POLR2B: variants seen among roughly 807,000 people sequenced by gnomAD.
POLR2B encodes the protein RNA polymerase II subunit B, also known as DNA-directed RNA polymerase II subunit RPB2.
POLR2B carries 57 observed loss-of-function variants against 144.6 expected under a neutral mutation model. That is an observed-to-expected ratio of 0.39 (90% CI 0.32 to 0.49). The LOEUF is 0.49. POLR2B is among the 20% of genes least tolerant of loss of function. POLR2B has a pLI of 0.83. For synonymous variants in POLR2B, 442 were observed against 469.8 expected, an observed-to-expected ratio of 0.94 and a Z score of 0.77; for missense variants, 595 against 1,467.4, an observed-to-expected ratio of 0.41 and a Z score of 9.71.
rs767330067 is a variant in POLR2B, at chr4:57,024,141, T to A, written c.2964+29T>A. On this transcript the variant is annotated intron_variant, in intron 21 of 24. Coordinates refer to ENST00000314595, the MANE Select transcript of POLR2B (RefSeq NM_000938.3). ...AGAGATGTTCTTCAAAAATATAGAT[T>A]CTAAGCTGATGCTTCTTCTAAAACT... 4.4e-6 allele frequency: 5 copies of A among 1,139,600 alleles called. No individual in the cohort carries two copies. In the South Asian group the frequency reaches 6.5e-5, roughly 15 times the overall value. The allele number at this position is 1,139,600 out of a possible 1,614,324, so 70.6% of individuals were successfully genotyped here.
At chr4:56,996,206 A>ATGTGTG (rs59059584) in intron 6 of POLR2B, among the ~76,000 whole-genome samples, 2,823 of 115,272 alleles carry the variant, frequency 0.024, 81 homozygotes, top group East Asian at 0.15. Context: ...ATTTCAGTTC[A>ATGTGTG]TGTGTGTGTG....
intron 1 of POLR2B, among the ~76,000 whole-genome samples, chr4:56,984,621 T>C (rs949148515): frequency 1.3e-5 from 2 of 152,220 alleles, no homozygotes; most frequent in Non-Finnish European, 1.5e-5. Flanking sequence ...AAGCTAGAAA[T>C]GTCTGAGCTA....
chr4:57,028,262 A>G (rs1723788291), intron 23 of POLR2B, among the ~76,000 whole-genome samples: 2 of 152,282 alleles, frequency 1.3e-5, no homozygotes, highest in South Asian at 4.1e-4. Flanking sequence ...CATCTTCACT[A>G]TGCAGTAGAA....
intron 7 of POLR2B, 80 bp downstream of exon 7, chr4:56,999,861 T>G: frequency 1.0e-6 from 1 of 977,810 alleles, no homozygotes; most frequent in South Asian, 1.6e-5. Context: ...TAAAACATAG[T>G]AGAAAGCTGT....
chr4:56,989,426 C>T (rs569874916), intron 2 of POLR2B, among the ~76,000 whole-genome samples: 1 of 152,314 alleles, frequency 6.6e-6, no homozygotes, highest in African/African-American at 2.4e-5. Flanking sequence ...ATACCTTACA[C>T]ATGTGTGATT....
intron 13 of POLR2B, among the ~76,000 whole-genome samples, chr4:57,013,632 G>T (rs1723270890): frequency 6.6e-6 from 1 of 151,832 alleles, no homozygotes; most frequent in Non-Finnish European, 1.5e-5. Context: ...CTACCTCCTG[G>T]GCCCCAACGA....
At chr4:56,979,564 T>C (rs948599593) in intron 1 of POLR2B, among the ~76,000 whole-genome samples, 2 of 152,192 alleles carry the variant, frequency 1.3e-5, no homozygotes, top group African/African-American at 4.8e-5. Flanking sequence ...GTCACAGTTC[T>C]CAGATGATAT....
intron 2 of POLR2B, among the ~76,000 whole-genome samples, chr4:56,988,298 G>A (rs1169321569): frequency 6.6e-6 from 1 of 151,946 alleles, no homozygotes; most frequent in African/African-American, 2.4e-5. Context: ...AACAAAAAGA[G>A]GAGCAGAAAA....
chr4:57,029,695 A>G (rs1723848340), intron 23 of POLR2B, among the ~76,000 whole-genome samples: 1 of 152,304 alleles, frequency 6.6e-6, no homozygotes, highest in Non-Finnish European at 1.5e-5. Context: ...CAGTCATTCC[A>G]TTGACAAGCT....
In POLR2B at chr4:57,023,389, C is replaced by T. The variant is rs1297561834; in HGVS notation, c.2575C>T (p.Arg859Cys). ...TGATGGTTTGATAGCTCCAGGGGTT[C>T]GTGTATCAGGAGATGATGTTATTAT... is the stretch of plus-strand genomic sequence containing the variant. The part of the protein sequence containing the change: ...DDDGLIAPGV[R>C]VSGDDVIIGK... The change falls in exon 19 of 25, where the codon CGT becomes TGT. Residue 859 changes from arginine (R) to cysteine (C), a missense_variant. By Grantham distance (180) the Arg-to-Cys change is radical. Coordinates refer to ENST00000314595, the MANE Select transcript of POLR2B (RefSeq NM_000938.3). The surrounding 1 kb of genome is among the most constrained non-coding windows in gnomAD (Gnocchi z 4.3). 1 of 1,613,630 alleles carries T rather than the reference C, an allele frequency of 6.2e-7. No homozygotes were observed. The highest frequency in any genetic ancestry group is 1.7e-5 in the Admixed American group (1 of 60,000).
chr4:57,027,067 G>A (rs1349887088), intron 23 of POLR2B, among the ~76,000 whole-genome samples: 3 of 152,076 alleles, frequency 2.0e-5, no homozygotes, highest in Non-Finnish European at 4.4e-5. Flanking sequence ...GGAGTGCAGT[G>A]GTGCGATCTC....
chr4:57,015,834 C>T (rs1723349199), intron 14 of POLR2B, among the ~76,000 whole-genome samples, 178 bp downstream of exon 14: 1 of 152,092 alleles, frequency 6.6e-6, no homozygotes, highest in Non-Finnish European at 1.5e-5. Flanking sequence ...GATCTTGGCT[C>T]ACTAACCTCC....
At position 57,013,547 on chromosome 4, in the gene POLR2B, C is replaced by CT. The variant is rs11331449; in HGVS notation, c.1801-1945dup. On this transcript the variant is annotated intron_variant, in intron 13 of 24. Transcript: ENST00000314595. ...CAGTAGGTTGGCTGTATTTTTTTTT[C>CT]TTTTTTTTTTGAGAGGATGTCTCTC... Among the ~76,000 whole-genome samples, 490 of 144,980 alleles carry CT rather than the reference C, an allele frequency of 3.4e-3. 3 individuals are homozygous for CT. Among genetic ancestry groups the CT allele is most frequent in the African/African-American group, 0.012 (455 of 38,640 alleles).
intron 7 of POLR2B, among the ~76,000 whole-genome samples, chr4:57,001,497 T>C (rs1361173715): frequency 1.3e-5 from 2 of 152,250 alleles, no homozygotes; most frequent in Non-Finnish European, 2.9e-5. Context: ...ACAAAGTATA[T>C]AGAGGACAGG....
At chr4:57,019,759 C>CTTTTTTTTTTTTTTTTTT (rs71208972) in intron 16 of POLR2B, among the ~76,000 whole-genome samples, 1 of 98,196 alleles carries the variant, frequency 1.0e-5, no homozygotes, top group Non-Finnish European at 2.1e-5. Flanking sequence ...CTAATGATGT[C>CTTTTTTTTTTTTTTTTTT]TTTTTTTTTT....
At chr4:56,985,853 GA>G (rs1722309386) in intron 1 of POLR2B, among the ~76,000 whole-genome samples, 3 of 152,218 alleles carry the variant, frequency 2.0e-5, no homozygotes, top group Admixed American at 1.3e-4. Context: ...GATTCAAGGA[GA>G]GGGTGCATAG....
At chr4:56,990,942 G>C in intron 3 of POLR2B, 44 bp downstream of exon 3, 1 of 1,534,512 alleles carries the variant, frequency 6.5e-7, no homozygotes, top group East Asian at 2.4e-5. Flanking sequence ...AAGCGTATTG[G>C]TTTGAAATTT....
At chr4:56,988,031 G>T (rs1578557492) in intron 2 of POLR2B, among the ~76,000 whole-genome samples, 1 of 152,194 alleles carries the variant, frequency 6.6e-6, no homozygotes, top group East Asian at 1.9e-4. Context: ...TTTGAGTGTT[G>T]CCTGGGTAAC....
At chr4:57,008,137 T>C (rs1207454051) in intron 10 of POLR2B, among the ~76,000 whole-genome samples, 1 of 152,104 alleles carries the variant, frequency 6.6e-6, no homozygotes, top group Admixed American at 6.5e-5. Context: ...GATTCATTCA[T>C]GTGTAGCTCA....
Sources: gnomAD v4.1 joint callset for allele counts (sites outside exome capture counted in the v4.1 genomes callset) on GRCh38, gnomAD v4.1.1 for gene constraint, Gnocchi (gnomAD v3.1) non-coding constraint, MANE v1.5 for transcripts, NCBI Gene and HGNC (gene_info 2026-07-23, HGNC 2026-07-21) for gene names.